The following WBP4 variants were observed in gnomAD, a reference collection of about 807,000 sequenced individuals.
WBP4 encodes the protein WW domain binding protein 4, also known as WW domain-binding protein 4.
A neutral mutation model predicts 55.4 loss-of-function variants in WBP4; 37 were observed. That is an observed-to-expected ratio of 0.67 (90% CI 0.51 to 0.88). WBP4 has a LOEUF of 0.88. Among genes scored for constraint, WBP4 ranks in the 40% least tolerant of loss-of-function variants. WBP4 has a pLI of 0.00. For synonymous variants in WBP4, 142 were observed against 140.2 expected (o/e 1.01, Z -0.09); for missense variants, 398 against 420.8 (o/e 0.95, Z 0.47).
chr13:41,070,851 C>T (rs1469462172), intron 5 of WBP4, among the ~76,000 whole-genome samples: 1 of 152,114 alleles, frequency 6.6e-6, no homozygotes, highest in Non-Finnish European at 1.5e-5. Flanking sequence ...ATGAAGAAAT[C>T]CTTGGGCTAA....
At chr13:41,072,045 CAA>C (rs560903455) in intron 6 of WBP4, among the ~76,000 whole-genome samples, 5,877 of 50,508 alleles carry the variant, frequency 0.12, 258 homozygotes, top group East Asian at 0.27. Flanking sequence ...GACTCCGTCT[CAA>C]AAAAAAAAAA....
intron 7 of WBP4, among the ~76,000 whole-genome samples, chr13:41,075,649 G>A (rs890238878): frequency 2.6e-5 from 4 of 152,046 alleles, no homozygotes; most frequent in African/African-American, 7.2e-5. Flanking sequence ...TCAAAGTGTT[G>A]GAATTACAAG....
chr13:41,072,870 T>C lies in WBP4; in HGVS notation c.562+13T>C. 1 of 1,597,588 alleles carries C rather than the reference T, an allele frequency of 6.3e-7. No homozygotes were observed. Among genetic ancestry groups the C allele is most frequent in the Non-Finnish European group, 8.6e-7 (1 of 1,167,586 alleles). On this transcript the variant is annotated intron_variant, in intron 7 of 9. Coordinates refer to ENST00000379487, the MANE Select transcript of WBP4 (RefSeq NM_007187.5). ...ACAGAAACAGGAGGTAAGTATTACC[T>C]TTGATTATCTTAACTGTTTAAAATT...
rs1877636481 is a variant in WBP4, at chr13:41,061,570, G to A, written c.-104G>A. 1.3e-5 allele frequency: 20 copies of A among 1,572,136 alleles called. No homozygotes were observed. The Admixed American group carries it at 3.2e-4, about 25-fold the overall frequency. ...GAGTAAGGTGTCTGGATCGGAGGGAGGTTCGGGTGGGCATCGGGCGGCTGG... is the reference window on the plus strand; with the variant it reads ...GAGTAAGGTGTCTGGATCGGAGGGAAGTTCGGGTGGGCATCGGGCGGCTGG... On this transcript the variant is annotated 5_prime_UTR_variant, in exon 1 of 10. Coordinates refer to ENST00000379487, the MANE Select transcript of WBP4 (RefSeq NM_007187.5).
At chr13:41,077,629 A>T (rs1878559768) in intron 8 of WBP4, among the ~76,000 whole-genome samples, 1 of 152,224 alleles carries the variant, frequency 6.6e-6, no homozygotes, top group South Asian at 2.1e-4. Context: ...TGGAAGTGCT[A>T]GCCTGAGCAG....
chr13:41,066,916 T>G (rs1877998088), intron 4 of WBP4, among the ~76,000 whole-genome samples: 1 of 152,210 alleles, frequency 6.6e-6, no homozygotes, highest in South Asian at 2.1e-4. Context: ...TACATTTTCA[T>G]TAGAACAAAA....
chr13:41,080,496 G>C, intron 8 of WBP4, 150 bp from the exon 9 acceptor site: 1 of 619,808 alleles, frequency 1.6e-6, no homozygotes, highest in Non-Finnish European at 2.7e-6. Flanking sequence ...AAGCAGTAAA[G>C]TTCTATGTAT....
Position 41,083,116 on chromosome 13 carries a change from A to T in WBP4, c.*202A>T. 1.9e-6 allele frequency: 1 copy of T among 534,134 alleles called. No homozygotes were observed. The highest frequency in any genetic ancestry group is 3.3e-6 in the Non-Finnish European group (1 of 303,928). 33.1% of individuals were successfully genotyped at this position (534,134 alleles called of 1,614,324 possible). A position where few individuals can be genotyped will look rare whatever the true frequency, so the allele number is the denominator to read the frequency against. On this transcript the variant is annotated 3_prime_UTR_variant, in exon 10 of 10. Coordinates refer to ENST00000379487, the MANE Select transcript of WBP4 (RefSeq NM_007187.5). ...TGGAAGCCTACCACATTGCATTGTA[A>T]TACAGTGTATTATGTTCAGTGTCTA... is the stretch of plus-strand genomic sequence containing the variant.
Position 41,083,207 on chromosome 13 carries a change from G to T in WBP4, c.*293G>T. The stretch of plus-strand genomic sequence containing the variant: ...TGTTATTTAAAACATGGAGAAACAG[G>T]GCCTTTATTCCATTCATATTCATAA... On this transcript the variant is annotated 3_prime_UTR_variant, in exon 10 of 10. Transcript: ENST00000379487. 3.8e-6 allele frequency: 1 copy of T among 263,774 alleles called. No homozygotes were observed. The highest frequency in any genetic ancestry group is 7.3e-6 in the Non-Finnish European group (1 of 136,436). The allele number at this position is 263,774 out of a possible 1,614,324, so 16.3% of individuals were successfully genotyped here.
chr13:41,061,754 C>T, intron 1 of WBP4, 79 bp downstream of exon 1: 1 of 1,601,654 alleles, frequency 6.2e-7, no homozygotes, highest in Non-Finnish European at 8.5e-7. Context: ...TTCCCCTCCT[C>T]TCCTCCCGCC....
intron 4 of WBP4, among the ~76,000 whole-genome samples, chr13:41,066,273 A>G (rs191658353): frequency 7.9e-4 from 121 of 152,348 alleles, no homozygotes; most frequent in Non-Finnish European, 1.4e-3. Context: ...TTTTATATTT[A>G]AATGGATTTT....
intron 2 of WBP4, among the ~76,000 whole-genome samples, chr13:41,063,027 A>G (rs1298219623): frequency 2.6e-5 from 4 of 152,188 alleles, no homozygotes; most frequent in Non-Finnish European, 5.9e-5. Context: ...TGTCATACCC[A>G]AAGAATTGTG....
chr13:41,077,500 A>T (rs958436590), intron 8 of WBP4, among the ~76,000 whole-genome samples: 1 of 152,144 alleles, frequency 6.6e-6, no homozygotes, highest in East Asian at 1.9e-4. Context: ...TCAAAAAAAA[A>T]AGAAGAGCCA....
chr13:41,062,772 C>G, intron 2 of WBP4, 56 bp downstream of exon 2: 1 of 1,500,418 alleles, frequency 6.7e-7, no homozygotes, highest in Non-Finnish European at 9.1e-7. Flanking sequence ...ATGAAGTGCT[C>G]CTTTTTGATG....
At chr13:41,072,152 T>C (rs1246804998) in intron 6 of WBP4, among the ~76,000 whole-genome samples, 1 of 152,146 alleles carries the variant, frequency 6.6e-6, no homozygotes, top group Non-Finnish European at 1.5e-5. Flanking sequence ...CCTGTCCATT[T>C]GGAAGGAATT....
intron 5 of WBP4, among the ~76,000 whole-genome samples, chr13:41,070,227 G>A (rs1166506613): frequency 6.6e-6 from 1 of 152,156 alleles, no homozygotes; most frequent in Non-Finnish European, 1.5e-5. Flanking sequence ...TCTAAATTAA[G>A]ATAGGGACAT....
At position 41,068,746 on chromosome 13, in the gene WBP4, T is replaced by G. The variant is rs186377649; in HGVS notation, c.439+9T>G. On this transcript the variant is annotated intron_variant, in intron 5 of 9. Transcript: ENST00000379487. Reference sequence around the variant, plus strand: ...TGATCTTATCTCAGGAGGTAAGTCATTTAGGCATAAAACTGGTAAAGAACA... The same window carrying G: ...TGATCTTATCTCAGGAGGTAAGTCAGTTAGGCATAAAACTGGTAAAGAACA... 3.2e-6 allele frequency: 5 copies of G among 1,559,894 alleles called. No homozygotes were observed. The African/African-American group carries it at 6.9e-5, about 21-fold the overall frequency.
intron 7 of WBP4, 49 bp downstream of exon 7, chr13:41,072,906 C>A: frequency 6.8e-7 from 1 of 1,469,936 alleles, no homozygotes; most frequent in Non-Finnish European, 9.4e-7. Flanking sequence ...GTACCTGGAA[C>A]TGCTTATTGG....
chr13:41,069,379 T>C (rs1415532966), intron 5 of WBP4, among the ~76,000 whole-genome samples: 1 of 151,808 alleles, frequency 6.6e-6, no homozygotes, highest in African/African-American at 2.4e-5. Context: ...AATACAAAAT[T>C]AGGCTAGGCG....
Sources: gnomAD v4.1 joint callset for allele counts (sites outside exome capture counted in the v4.1 genomes callset) on GRCh38, gnomAD v4.1.1 for gene constraint, MANE v1.5 for transcripts, NCBI Gene and HGNC (gene_info 2026-07-23, HGNC 2026-07-21) for gene names.